The following TYW3 variants were observed in gnomAD, a reference collection of about 807,000 sequenced individuals.
The protein encoded by TYW3 is tRNA wybutosine-synthesizing protein 3 homolog.
In TYW3, 26 loss-of-function variants were observed where a neutral mutation model predicts 23.1. That is an observed-to-expected ratio of 1.13 (90% CI 0.83 to 1.56). TYW3 has a LOEUF of 1.56. Ranked by LOEUF, TYW3 falls within the 40% of genes most tolerant of loss-of-function variation. The pLI is 0.00. For synonymous variants in TYW3, 102 were observed against 105.7 expected (o/e 0.97, Z 0.21); for missense variants, 316 against 311.9 (o/e 1.01, Z -0.10).
At chr1:74,759,132 G>C (rs576700086) in intron 5 of TYW3, among the ~76,000 whole-genome samples, 1 of 152,180 alleles carries the variant, frequency 6.6e-6, no homozygotes, top group South Asian at 2.1e-4. Flanking sequence ...GCTTATTCTG[G>C]AAGACCTGTC....
At chr1:74,760,217 G>A (rs1483491019) in intron 5 of TYW3, among the ~76,000 whole-genome samples, 5 of 152,226 alleles carry the variant, frequency 3.3e-5, no homozygotes, top group Middle Eastern at 3.4e-3. Flanking sequence ...AAGAGGAGTG[G>A]TTGGTCCTGC....
At chr1:74,747,797 ATATATATGTGTACACACATATG>A (rs1648628294) in intron 3 of TYW3, among the ~76,000 whole-genome samples, 2 of 145,474 alleles carry the variant, frequency 1.4e-5, no homozygotes, top group South Asian at 4.2e-4. Context: ...ACATGTGTAC[ATATATATGTGTACACACATATG>A]TATATATATG....
At chr1:74,758,023 A>G (rs1205929314) in intron 5 of TYW3, among the ~76,000 whole-genome samples, 1 of 152,194 alleles carries the variant, frequency 6.6e-6, no homozygotes, top group Non-Finnish European at 1.5e-5. Context: ...AAATGGACTA[A>G]TACAGATGGC....
At chr1:74,746,330 C>T (rs2100763458) in intron 3 of TYW3, among the ~76,000 whole-genome samples, 1 of 152,320 alleles carries the variant, frequency 6.6e-6, no homozygotes, top group East Asian at 1.9e-4. Flanking sequence ...TTTAGTGGCT[C>T]ATGGCTTCAG....
intron 3 of TYW3, among the ~76,000 whole-genome samples, chr1:74,745,536 G>C (rs1648537057): frequency 6.6e-6 from 1 of 152,070 alleles, no homozygotes; most frequent in African/African-American, 2.4e-5. Context: ...AGCGCTGATT[G>C]GTGCGTTATT....
chr1:74,748,633 AT>A (rs1557746824), intron 3 of TYW3, 117 bp from the exon 4 acceptor site: 2 of 1,017,536 alleles, frequency 2.0e-6, no homozygotes, highest in Non-Finnish European at 2.9e-6. Context: ...TAGACGAAAA[AT>A]TTTTTTAAAA....
In TYW3 at chr1:74,733,166, C is replaced by T. The variant is rs1338818942; in HGVS notation, c.-79C>T. On this transcript the variant is annotated 5_prime_UTR_variant, in exon 1 of 6. Transcript: ENST00000370867. ...GAAGTTTGGACCTTTTCGGCCACCG[C>T]TCGCTTCAATATGGCTGCCCCCAGG... 4 of 1,523,032 alleles carry T rather than the reference C, an allele frequency of 2.6e-6. No individual in the cohort carries two copies. Among genetic ancestry groups the T allele is most frequent in the South Asian group, 2.5e-5 (2 of 78,512 alleles). The allele number at this position is 1,523,032 out of a possible 1,614,324, so 94.3% of individuals were successfully genotyped here.
At chr1:74,760,881 A>C (rs1050764026) in intron 5 of TYW3, among the ~76,000 whole-genome samples, 2 of 152,238 alleles carry the variant, frequency 1.3e-5, no homozygotes, top group African/African-American at 4.8e-5. Flanking sequence ...TTCTGTTGAA[A>C]GTGGTTTTCT....
intron 5 of TYW3, among the ~76,000 whole-genome samples, chr1:74,756,132 A>G (rs933816651): frequency 6.6e-6 from 1 of 152,162 alleles, no homozygotes; most frequent in Non-Finnish European, 1.5e-5. Flanking sequence ...TCTTTTGTAA[A>G]TTGCCCGGTC....
At chr1:74,733,727 T>G (rs1316888869) in intron 1 of TYW3, among the ~76,000 whole-genome samples, 1 of 152,220 alleles carries the variant, frequency 6.6e-6, no homozygotes, top group Non-Finnish European at 1.5e-5. Flanking sequence ...AACTATCTTG[T>G]GTGGCAAAGT....
At chr1:74,740,032 G>A (rs1023881572) in intron 3 of TYW3, among the ~76,000 whole-genome samples, 3 of 152,204 alleles carry the variant, frequency 2.0e-5, no homozygotes, top group Non-Finnish European at 4.4e-5. Context: ...TGAAGTTGAA[G>A]TGTGTCCAGA....
intron 4 of TYW3, among the ~76,000 whole-genome samples, chr1:74,749,804 A>G (rs1448074682): frequency 6.6e-6 from 1 of 152,036 alleles, no homozygotes; most frequent in African/African-American, 2.4e-5. Context: ...AAAAATACAA[A>G]AATTAGCTGG....
intron 5 of TYW3, among the ~76,000 whole-genome samples, chr1:74,759,742 C>T (rs1479063185): frequency 6.6e-6 from 1 of 152,106 alleles, no homozygotes; most frequent in Non-Finnish European, 1.5e-5. Flanking sequence ...CTTCCAGGCT[C>T]AAGTGATCCT....
At chr1:74,753,830 G>A (rs1361802090) in intron 5 of TYW3, among the ~76,000 whole-genome samples, 1 of 152,146 alleles carries the variant, frequency 6.6e-6, no homozygotes, top group Non-Finnish European at 1.5e-5. Context: ...AGTTATTTGA[G>A]TGACTATTTT....
intron 1 of TYW3, among the ~76,000 whole-genome samples, chr1:74,734,601 G>T (rs1426615525): frequency 6.6e-6 from 1 of 152,172 alleles, no homozygotes; most frequent in Non-Finnish European, 1.5e-5. Flanking sequence ...AAAAGAAATT[G>T]ATCTGAGGTT....
chr1:74,745,673 A>G (rs1199818628), intron 3 of TYW3, among the ~76,000 whole-genome samples: 2 of 152,232 alleles, frequency 1.3e-5, no homozygotes, highest in Admixed American at 1.3e-4. Flanking sequence ...AATGTGATTC[A>G]TATGTTAAGT....
intron 4 of TYW3, among the ~76,000 whole-genome samples, chr1:74,749,029 T>C (rs1648687434): frequency 1.3e-5 from 2 of 152,182 alleles, no homozygotes; most frequent in Non-Finnish European, 2.9e-5. Context: ...AATATTCTTC[T>C]CCACTTACTT....
intron 5 of TYW3, 58 bp downstream of exon 5, chr1:74,752,483 A>C: frequency 6.8e-7 from 1 of 1,470,488 alleles, no homozygotes; most frequent in Non-Finnish European, 9.3e-7. Flanking sequence ...CCTTGAAAAC[A>C]TTAATACTTA....
intron 3 of TYW3, among the ~76,000 whole-genome samples, chr1:74,746,343 T>C (rs1648566478): frequency 6.6e-6 from 1 of 152,236 alleles, no homozygotes; most frequent in Non-Finnish European, 1.5e-5. Flanking sequence ...GGCTTCAGTC[T>C]CTGCTCTAAC....
Sources: gnomAD v4.1 joint callset for allele counts (sites outside exome capture counted in the v4.1 genomes callset) on GRCh38, gnomAD v4.1.1 for gene constraint, MANE v1.5 for transcripts, NCBI Gene and HGNC (gene_info 2026-07-23, HGNC 2026-07-21) for gene names.